The following GLIS3 variants were observed in gnomAD, a reference collection of about 807,000 sequenced individuals.
The protein encoded by GLIS3 is zinc finger protein GLIS3.
A neutral mutation model predicts 78.6 loss-of-function variants in GLIS3; 53 were observed. That is an observed-to-expected ratio of 0.67 (90% CI 0.54 to 0.85). The LOEUF (loss-of-function observed/expected upper bound fraction) is 0.85, where lower values mean the gene tolerates loss of function less well. Ranked by LOEUF, GLIS3 falls within the 40% of genes least tolerant of loss-of-function variation. The pLI, the probability that GLIS3 is intolerant of heterozygous loss-of-function variation, is 0.00. For missense variants in GLIS3, 1,703 were observed against 1,231.1 expected (o/e 1.38, Z -5.74); for synonymous variants, 684 against 509.9 (o/e 1.34, Z -4.60).
the GLIS3 span, among the ~76,000 whole-genome samples, chr9:4,447,899 G>A: frequency 6.6e-6 from 1 of 152,084 alleles, no homozygotes; most frequent in Non-Finnish European, 1.5e-5. Flanking sequence ...GTTTGTTTCT[G>A]TCCTTTTTAA....
Position 3,855,179 on chromosome 9 carries a change from G to A in GLIS3, c.2473+830C>T, listed in dbSNP as rs181634234. On this transcript the variant is annotated intron_variant, in intron 9 of 10. Coordinates refer to ENST00000381971, the MANE Select transcript of GLIS3 (RefSeq NM_001042413.2). ...TTTCTATGGATGCTCACTAAGATAC[G>A]TGCCTGAAATGGCAAAATGAGTCTA... Among the ~76,000 whole-genome samples, 11 of 152,316 alleles carry A rather than the reference G, an allele frequency of 7.2e-5. No individual in the cohort carries two copies. The South Asian group carries it at 1.0e-3, about 14-fold the overall frequency.
chr9:4,037,000 G>A (rs1207036597), intron 4 of GLIS3, among the ~76,000 whole-genome samples: 1 of 152,176 alleles, frequency 6.6e-6, no homozygotes, highest in East Asian at 1.9e-4. Flanking sequence ...CAGAGCTGAA[G>A]ACAGGGGTGT....
chr9:4,468,395 G>A, the GLIS3 span, among the ~76,000 whole-genome samples: 78 of 152,284 alleles, frequency 5.1e-4, no homozygotes, highest in Admixed American at 3.0e-3. Context: ...GTAAGGTTGG[G>A]TTACCCAAAA....
Position 3,897,286 on chromosome 9 carries a change from A to C in GLIS3, c.2128+1405T>G, listed in dbSNP as rs1399593307. Reference sequence around the variant, plus strand: ...GACTATTGGGTTCCAGGTCTTAGTAAGATCATAGATTAATGAACTGAAGTA... The same window carrying C: ...GACTATTGGGTTCCAGGTCTTAGTACGATCATAGATTAATGAACTGAAGTA... On this transcript the variant is annotated intron_variant, in intron 7 of 10. Coordinates refer to ENST00000381971, the MANE Select transcript of GLIS3 (RefSeq NM_001042413.2). Among the ~76,000 whole-genome samples the C allele has an allele frequency of 2.0e-5, 3 of 152,162 alleles. No individual in the cohort carries two copies. In the East Asian group the frequency reaches 5.8e-4, roughly 29 times the overall value.
chr9:4,365,546 A>G, the GLIS3 span, among the ~76,000 whole-genome samples: 10 of 151,304 alleles, frequency 6.6e-5, no homozygotes, highest in African/African-American at 2.2e-4. Context: ...ACAGAGTGAG[A>G]CTCCATCTCA....
intron 2 of GLIS3, among the ~76,000 whole-genome samples, chr9:4,199,956 G>A (rs545780767): frequency 1.3e-4 from 20 of 152,148 alleles, no homozygotes; most frequent in Admixed American, 9.8e-4. Context: ...CATACCAATC[G>A]TACTCTTGGA....
intron 9 of GLIS3, among the ~76,000 whole-genome samples, chr9:3,844,265 T>A (rs1054060484): frequency 6.6e-6 from 1 of 152,214 alleles, no homozygotes; most frequent in Admixed American, 6.5e-5. Flanking sequence ...GCTGTTACAT[T>A]TTTTTCTTCT....
chr9:3,926,191 A>C (rs1825217049), intron 6 of GLIS3, among the ~76,000 whole-genome samples: 1 of 151,436 alleles, frequency 6.6e-6, no homozygotes, highest in Non-Finnish European at 1.5e-5. Flanking sequence ...AAGCTCATAC[A>C]GGAAGGTACA....
chr9:3,978,003 AC>A (rs760211361), intron 4 of GLIS3, among the ~76,000 whole-genome samples: 92 of 152,334 alleles, frequency 6.0e-4, no homozygotes, highest in Non-Finnish European at 7.9e-4. Context: ...AACCTGAGAG[AC>A]AAATGGGAGG....
intron 4 of GLIS3, among the ~76,000 whole-genome samples, chr9:4,032,053 G>A (rs1048248665): frequency 3.9e-5 from 6 of 152,124 alleles, no homozygotes; most frequent in African/African-American, 1.4e-4. Context: ...ACAGGGATCA[G>A]GAGGTCAGAC....
upstream of GLIS3, among the ~76,000 whole-genome samples, chr9:4,351,962 G>T (rs1025657466): frequency 6.6e-6 from 1 of 152,210 alleles, no homozygotes; most frequent in African/African-American, 2.4e-5. Flanking sequence ...AGAGTTTGAT[G>T]TAACTCCTAG....
the GLIS3 span, among the ~76,000 whole-genome samples, chr9:4,382,041 G>C: frequency 6.6e-6 from 1 of 152,166 alleles, no homozygotes; most frequent in Non-Finnish European, 1.5e-5. Context: ...CCTAAGGCTG[G>C]TAGCCGCTCT....
At chr9:4,168,641 A>G (rs569949542) in intron 2 of GLIS3, among the ~76,000 whole-genome samples, 5 of 152,370 alleles carry the variant, frequency 3.3e-5, no homozygotes, top group African/African-American at 1.2e-4. Flanking sequence ...AAATAAGCCA[A>G]CATTTTTACT....
At chr9:3,961,915 G>C (rs554120560) in intron 4 of GLIS3, among the ~76,000 whole-genome samples, 28 of 152,222 alleles carry the variant, frequency 1.8e-4, no homozygotes, top group African/African-American at 6.7e-4. Flanking sequence ...TATGAAAGTA[G>C]CATTACTGGC....
intron 4 of GLIS3, among the ~76,000 whole-genome samples, chr9:4,019,814 C>T (rs1388331903): frequency 6.6e-6 from 1 of 152,162 alleles, no homozygotes; most frequent in East Asian, 1.9e-4. Flanking sequence ...CTCACTGTAA[C>T]CTCGAAATCC....
intron 4 of GLIS3, among the ~76,000 whole-genome samples, chr9:3,953,785 C>CTATA (rs1220522180): frequency 4.7e-5 from 2 of 42,302 alleles, no homozygotes; most frequent in Non-Finnish European, 1.1e-4. Context: ...CTCTCTCTCT[C>CTATA]TCTCTCTCTC....
chr9:4,084,890 C>A (rs1345959474), intron 4 of GLIS3, among the ~76,000 whole-genome samples: 3 of 151,780 alleles, frequency 2.0e-5, no homozygotes, highest in Admixed American at 1.3e-4. Flanking sequence ...CTTAAAGAAG[C>A]CTCTTGCATT....
At chr9:4,120,115 C>T (rs1025265992) in intron 3 of GLIS3, among the ~76,000 whole-genome samples, 2 of 152,162 alleles carry the variant, frequency 1.3e-5, no homozygotes. Flanking sequence ...TCAAAATGAA[C>T]ACATTGTTTC....
At chr9:4,350,284 G>A (rs911183086), upstream of GLIS3, among the ~76,000 whole-genome samples, 9 of 152,226 alleles carry the variant, frequency 5.9e-5, no homozygotes, top group African/African-American at 2.2e-4. Flanking sequence ...AGGCGGAAAT[G>A]TGAGGAACTG....
Sources: gnomAD v4.1 joint callset for allele counts (sites outside exome capture counted in the v4.1 genomes callset) on GRCh38, gnomAD v4.1.1 for gene constraint, MANE v1.5 for transcripts, NCBI Gene and HGNC (gene_info 2026-07-23, HGNC 2026-07-21) for gene names.